The following SLC36A1 variants were observed in gnomAD, a reference collection of about 807,000 sequenced individuals.
SLC36A1 encodes the protein proton-coupled amino acid transporter 1.
Under a neutral mutation model 47.5 loss-of-function variants are expected in SLC36A1, and 30 were observed. The ratio of observed to expected loss-of-function variants is 0.63; its 90% CI spans 0.47 to 0.86. The LOEUF is 0.86. Among genes scored for constraint, SLC36A1 ranks in the 40% least tolerant of loss-of-function variants. The pLI, the probability that SLC36A1 is intolerant of heterozygous loss-of-function variation, is 0.00. For synonymous variants in SLC36A1, 255 were observed against 249.7 expected, an observed-to-expected ratio of 1.02 and a Z score of -0.20; for missense variants, 517 against 606.0, an observed-to-expected ratio of 0.85 and a Z score of 1.54.
chr5:151,481,749 A>G (rs1031321499), intron 10 of SLC36A1, among the ~76,000 whole-genome samples: 1 of 152,132 alleles, frequency 6.6e-6, no homozygotes, highest in East Asian at 1.9e-4. Context: ...ACAGTTGGAG[A>G]AGAGGGGGAG....
chr5:151,554,704 G>A, the SLC36A1 span: 1 of 1,544,980 alleles, frequency 6.5e-7, no homozygotes, highest in Non-Finnish European at 8.8e-7. Flanking sequence ...GAGCACCTGA[G>A]CTGACAATTG....
intron 5 of SLC36A1, among the ~76,000 whole-genome samples, chr5:151,466,164 C>A (rs958744532): frequency 6.6e-6 from 1 of 152,144 alleles, no homozygotes; most frequent in African/African-American, 2.4e-5. Context: ...TTCTTTCTTA[C>A]TACTTCCTTT....
At chr5:151,397,265 A>G in the SLC36A1 span, among the ~76,000 whole-genome samples, 1 of 152,136 alleles carries the variant, frequency 6.6e-6, no homozygotes, top group Admixed American at 6.6e-5. Context: ...TGTTGTATTC[A>G]CCCCATGCAT....
At chr5:151,507,753 A>G in the SLC36A1 span, 1 of 701,818 alleles carries the variant, frequency 1.4e-6, no homozygotes, top group Admixed American at 3.0e-5. Flanking sequence ...GTAACTATCA[A>G]GCATATCAAC....
chr5:151,458,965 G>T, intron 2 of SLC36A1, 30 bp downstream of exon 2: 6 of 1,581,944 alleles, frequency 3.8e-6, no homozygotes, highest in Non-Finnish European at 5.2e-6. Flanking sequence ...TCCTCTCCTG[G>T]GTGGGATTCG....
intron 1 of SLC36A1, among the ~76,000 whole-genome samples, chr5:151,456,607 C>T (rs1754560329): frequency 6.6e-6 from 1 of 152,078 alleles, no homozygotes; most frequent in African/African-American, 2.4e-5. Flanking sequence ...TGGTTGGCGT[C>T]CTTGAATTCC....
upstream of SLC36A1, among the ~76,000 whole-genome samples, chr5:151,434,358 GA>G (rs1488750961): frequency 6.6e-6 from 1 of 152,140 alleles, no homozygotes; most frequent in African/African-American, 2.4e-5. Flanking sequence ...AAAACTTCTA[GA>G]AAATAGAATT....
chr5:151,498,950 C>T, the SLC36A1 span, among the ~76,000 whole-genome samples: 1 of 152,210 alleles, frequency 6.6e-6, no homozygotes, highest in African/African-American at 2.4e-5. Context: ...CGGCCACTTT[C>T]CCCAGATTGT....
the SLC36A1 span, among the ~76,000 whole-genome samples, chr5:151,548,519 C>T: frequency 8.5e-5 from 13 of 152,058 alleles, no homozygotes; most frequent in Admixed American, 4.6e-4. Flanking sequence ...CTTGCTGTGT[C>T]GCCCAGGCTG....
At chr5:151,549,381 A>G in the SLC36A1 span, 9 of 1,614,058 alleles carry the variant, frequency 5.6e-6, no homozygotes, top group Middle Eastern at 1.7e-4. Context: ...GCCGGGGGCT[A>G]TGGTGTCAGG....
chr5:151,551,695 A>G, the SLC36A1 span: 1 of 1,408,372 alleles, frequency 7.1e-7, no homozygotes, highest in Non-Finnish European at 9.8e-7. Context: ...GGCTCAGAGG[A>G]CACGGTGGTA....
At chr5:151,351,555 T>A in the SLC36A1 span, among the ~76,000 whole-genome samples, 1 of 152,166 alleles carries the variant, frequency 6.6e-6, no homozygotes, top group Non-Finnish European at 1.5e-5. Flanking sequence ...TGAACGGGAA[T>A]GGGGTCTCTC....
chr5:151,384,040 A>G, the SLC36A1 span, among the ~76,000 whole-genome samples: 6 of 152,190 alleles, frequency 3.9e-5, no homozygotes, highest in Middle Eastern at 3.2e-3. Context: ...ACAAAAAAAA[A>G]AGAACCCTAT....
the SLC36A1 span, among the ~76,000 whole-genome samples, chr5:151,368,852 C>T: frequency 6.6e-6 from 1 of 152,190 alleles, no homozygotes; most frequent in Non-Finnish European, 1.5e-5. Flanking sequence ...TGAACAAAGG[C>T]AGAACCCAGA....
chr5:151,350,940 C>T, the SLC36A1 span, among the ~76,000 whole-genome samples: 1 of 152,150 alleles, frequency 6.6e-6, no homozygotes, highest in African/African-American at 2.4e-5. Flanking sequence ...CCGCCTTGGC[C>T]TCCCAAAGTG....
chr5:151,533,984 A>T, the SLC36A1 span, among the ~76,000 whole-genome samples: 26 of 152,246 alleles, frequency 1.7e-4, no homozygotes. Context: ...GTTCAACTTC[A>T]CTCTTCAGAA....
chr5:151,456,774 A>G (rs1023893577), intron 1 of SLC36A1, among the ~76,000 whole-genome samples: 2 of 152,104 alleles, frequency 1.3e-5, no homozygotes, highest in African/African-American at 2.4e-5. Context: ...CCTACATTGC[A>G]ATTGTTGAGA....
the SLC36A1 span, among the ~76,000 whole-genome samples, chr5:151,416,903 T>C: frequency 9.8e-5 from 15 of 152,290 alleles, no homozygotes; most frequent in East Asian, 2.9e-3. Flanking sequence ...CAATATTGAG[T>C]GAGTTCTCAT....
At chr5:151,505,478 A>G in the SLC36A1 span, 1 of 1,524,610 alleles carries the variant, frequency 6.6e-7, no homozygotes, top group Non-Finnish European at 8.9e-7. Context: ...TCTCCCAGCC[A>G]CACTCAACTC....
Sources: allele counts gnomAD v4.1 joint callset (sites outside exome capture counted in the v4.1 genomes callset), GRCh38; gene constraint gnomAD v4.1.1; transcripts MANE v1.5; gene names NCBI Gene and HGNC (gene_info 2026-07-23, HGNC 2026-07-21).